PLPPR1: variants seen among roughly 807,000 people sequenced by gnomAD.
PLPPR1 encodes phospholipid phosphatase related 1, also known as phospholipid phosphatase-related protein type 1.
PLPPR1 carries 10 observed loss-of-function variants against 33.1 expected under a neutral mutation model. That is an observed-to-expected ratio of 0.30 (90% CI 0.19 to 0.51). The LOEUF (loss-of-function observed/expected upper bound fraction) is 0.51, where lower values mean the gene tolerates loss of function less well. PLPPR1 is among the 20% of genes least tolerant of loss of function. The pLI, the probability that PLPPR1 is intolerant of heterozygous loss-of-function variation, is 0.97. For missense variants in PLPPR1, 304 were observed against 408.1 expected, an observed-to-expected ratio of 0.74 and a Z score of 2.20; for synonymous variants, 151 against 151.0, an observed-to-expected ratio of 1.00 and a Z score of 0.00.
rs377153668 is a variant in PLPPR1, at chr9:101,188,043, T to C, written c.63+2486T>C. On this transcript the variant is annotated intron_variant, in intron 2 of 7. Coordinates refer to ENST00000374874, the MANE Select transcript of PLPPR1 (RefSeq NM_207299.2). ...TATGCTGAACCTTTCTTTTGCAACT[T>C]GCCTTTTCATTCAACATTATGTTTC... 21 of 152,174 alleles carry C rather than the reference T, an allele frequency of 1.4e-4. No homozygotes were observed. In the East Asian group the frequency reaches 4.1e-3, roughly 29 times the overall value. 9.4% of individuals were successfully genotyped at this position (152,174 alleles called of 1,614,324 possible).
chr9:101,238,221 T>C (rs1444025479), intron 2 of PLPPR1, among the ~76,000 whole-genome samples: 1 of 136,978 alleles, frequency 7.3e-6, no homozygotes, highest in African/African-American at 2.7e-5. Flanking sequence ...CCTATATATA[T>C]ACACCTCTCT....
intron 4 of PLPPR1, among the ~76,000 whole-genome samples, chr9:101,300,600 T>C (rs999886682): frequency 2.0e-5 from 3 of 152,216 alleles, no homozygotes; most frequent in African/African-American, 7.2e-5. Context: ...GCTGATCTTG[T>C]GGTAGGAATG....
At chr9:101,086,641 T>A in intron 1 of PLPPR1, among the ~76,000 whole-genome samples, 1 of 152,172 alleles carries the variant, frequency 6.6e-6, no homozygotes, top group Non-Finnish European at 1.5e-5. Flanking sequence ...CCAACATTTG[T>A]TCTAGTATCA....
At chr9:101,038,288 C>T (rs762673673) in intron 1 of PLPPR1, among the ~76,000 whole-genome samples, 3 of 152,004 alleles carry the variant, frequency 2.0e-5, no homozygotes, top group African/African-American at 7.2e-5. Flanking sequence ...AAATAGAGCT[C>T]AGTTGATATA....
At chr9:101,132,233 TCCA>T (rs916576507) in intron 1 of PLPPR1, among the ~76,000 whole-genome samples, 2 of 152,136 alleles carry the variant, frequency 1.3e-5, no homozygotes, top group African/African-American at 4.8e-5. Context: ...ACATCCTCCT[TCCA>T]CACTAGAAGG....
chr9:101,224,619 G>A (rs1291803084), intron 2 of PLPPR1, among the ~76,000 whole-genome samples: 2 of 152,192 alleles, frequency 1.3e-5, no homozygotes, highest in African/African-American at 4.8e-5. Flanking sequence ...AAGCTGTGCA[G>A]CAGGTCTTCA....
intron 1 of PLPPR1, among the ~76,000 whole-genome samples, chr9:101,181,795 G>A (rs1826118430): frequency 6.8e-6 from 1 of 146,574 alleles, no homozygotes; most frequent in African/African-American, 2.5e-5. Context: ...TAATACACCA[G>A]ATTTTCTTCA....
intron 1 of PLPPR1, among the ~76,000 whole-genome samples, chr9:101,156,552 C>CAA (rs1162056636): frequency 1.4e-3 from 103 of 71,240 alleles, no homozygotes; most frequent in Middle Eastern, 0.015. Flanking sequence ...ACCCTGTCTC[C>CAA]AAAAAAAAAA....
chr9:101,097,521 T>C (rs1320314992), intron 1 of PLPPR1, among the ~76,000 whole-genome samples: 1 of 152,224 alleles, frequency 6.6e-6, no homozygotes, highest in Admixed American at 6.5e-5. Context: ...GTTTAAAATC[T>C]GAGGGTATGT....
chr9:101,194,400 T>C (rs1042897232), intron 2 of PLPPR1, among the ~76,000 whole-genome samples: 1 of 152,168 alleles, frequency 6.6e-6, no homozygotes, highest in African/African-American at 2.4e-5. Context: ...TTGATGCATG[T>C]AGTTTTCTAA....
chr9:101,158,159 TA>T (rs573137652), intron 1 of PLPPR1, among the ~76,000 whole-genome samples: 1 of 152,054 alleles, frequency 6.6e-6, no homozygotes, highest in South Asian at 2.1e-4. Flanking sequence ...TGTTATTTAG[TA>T]AAAAAAGCTT....
At chr9:101,123,669 CA>C (rs1376473085) in intron 1 of PLPPR1, among the ~76,000 whole-genome samples, 2 of 152,204 alleles carry the variant, frequency 1.3e-5, no homozygotes, top group African/African-American at 4.8e-5. Context: ...ACATGATTTA[CA>C]GCTGGGATGG....
At position 101,146,831 on chromosome 9, in the gene PLPPR1, A is replaced by G. The variant is rs75078115; in HGVS notation, c.-45-38619A>G. Among the ~76,000 whole-genome samples the G allele has an allele frequency of 5.3e-5, 8 of 152,358 alleles. No individual in the cohort carries two copies. The East Asian group carries it at 1.5e-3, about 29-fold the overall frequency. ...CACATGACATTAGAATGTGAAAAATACAGAGATGCTTTATATTGCGATATT... is the reference window on the plus strand; with the variant it reads ...CACATGACATTAGAATGTGAAAAATGCAGAGATGCTTTATATTGCGATATT... On this transcript the variant is annotated intron_variant, in intron 1 of 7. Transcript: ENST00000374874.
intron 2 of PLPPR1, among the ~76,000 whole-genome samples, chr9:101,233,197 TAA>T (rs1167972054): frequency 9.2e-5 from 14 of 152,064 alleles, no homozygotes; most frequent in African/African-American, 3.1e-4. Flanking sequence ...TGGCTGCATT[TAA>T]TTCTGTTTAC....
chr9:101,124,102 CTT>C (rs1831212455), intron 1 of PLPPR1, among the ~76,000 whole-genome samples: 1 of 152,160 alleles, frequency 6.6e-6, no homozygotes, highest in Non-Finnish European at 1.5e-5. Context: ...AAGGTGGCCT[CTT>C]TTAATTGAGC....
chr9:101,059,127 CT>C (rs763169856), intron 1 of PLPPR1, among the ~76,000 whole-genome samples: 2 of 152,016 alleles, frequency 1.3e-5, no homozygotes, highest in South Asian at 2.1e-4. Flanking sequence ...TCTTAAATAA[CT>C]TTTTTTGTGT....
chr9:101,317,835 T>C (rs1489834603), intron 7 of PLPPR1, among the ~76,000 whole-genome samples: 1 of 152,216 alleles, frequency 6.6e-6, no homozygotes, highest in Non-Finnish European at 1.5e-5. Flanking sequence ...ACTAGGATCA[T>C]ATTTGGAAAG....
chr9:101,262,426 T>C (rs1268106515), intron 2 of PLPPR1, among the ~76,000 whole-genome samples: 1 of 152,190 alleles, frequency 6.6e-6, no homozygotes, highest in African/African-American at 2.4e-5. Context: ...GAGTCTTGTT[T>C]TTGTGAGTTT....
chr9:101,250,401 C>T (rs936560201), intron 2 of PLPPR1, among the ~76,000 whole-genome samples: 11 of 152,032 alleles, frequency 7.2e-5, no homozygotes, highest in Non-Finnish European at 1.3e-4. Context: ...AAAACTCACC[C>T]GCAATCAGCA....
Sources: gnomAD v4.1 joint callset for allele counts (sites outside exome capture counted in the v4.1 genomes callset) on GRCh38, gnomAD v4.1.1 for gene constraint, MANE v1.5 for transcripts, NCBI Gene and HGNC (gene_info 2026-07-23, HGNC 2026-07-21) for gene names.